Variants in LIPI observed in about 807,000 individuals in gnomAD.
LIPI encodes lipase member I.
LIPI carries 59 observed loss-of-function variants against 50.6 expected under a neutral mutation model. The ratio of observed to expected loss-of-function variants is 1.16; its 90% CI spans 0.94 to 1.45. LIPI has a LOEUF of 1.45. Ranked by LOEUF, LIPI falls within the 40% of genes most tolerant of loss-of-function variation. The pLI, the probability that LIPI is intolerant of heterozygous loss-of-function variation, is 0.00. For missense variants in LIPI, 586 were observed against 536.3 expected, an observed-to-expected ratio of 1.09 and a Z score of -0.92; for synonymous variants, 203 against 178.2, an observed-to-expected ratio of 1.14 and a Z score of -1.11.
intron 2 of LIPI, among the ~76,000 whole-genome samples, chr21:14,187,560 C>A (rs80318249): frequency 6.6e-6 from 1 of 152,110 alleles, no homozygotes; most frequent in Non-Finnish European, 1.5e-5. Flanking sequence ...CTAAATATTT[C>A]TATTTAATAT....
At chr21:14,125,186 T>C (rs1274514688) in intron 9 of LIPI, among the ~76,000 whole-genome samples, 1 of 151,902 alleles carries the variant, frequency 6.6e-6, no homozygotes, top group Non-Finnish European at 1.5e-5. Flanking sequence ...TGCATAAGAG[T>C]TTGAAAAGCA....
At chr21:14,137,773 T>A (rs1287818026) in intron 9 of LIPI, among the ~76,000 whole-genome samples, 1 of 151,996 alleles carries the variant, frequency 6.6e-6, no homozygotes, top group Non-Finnish European at 1.5e-5. Context: ...TTATAGAATA[T>A]CAAACAGATT....
At chr21:14,166,211 A>G (rs1329372612) in intron 5 of LIPI, 151 bp downstream of exon 5, 5 of 664,080 alleles carry the variant, frequency 7.5e-6, no homozygotes, top group Admixed American at 2.2e-5. Flanking sequence ...GCATGGTCAA[A>G]TTAAACCATT....
intron 9 of LIPI, among the ~76,000 whole-genome samples, chr21:14,128,578 A>G (rs1187247927): frequency 6.6e-6 from 1 of 152,036 alleles, no homozygotes; most frequent in Non-Finnish European, 1.5e-5. Flanking sequence ...ACTCATCTAG[A>G]AAGCAGTTCA....
At chr21:14,132,061 A>T (rs887923634) in intron 9 of LIPI, among the ~76,000 whole-genome samples, 5 of 152,214 alleles carry the variant, frequency 3.3e-5, no homozygotes, top group Non-Finnish European at 7.3e-5. Context: ...AGCCTTTAAC[A>T]TCTTTTACTA....
chr21:14,121,306 C>T (rs979093438), intron 9 of LIPI, among the ~76,000 whole-genome samples: 8 of 151,980 alleles, frequency 5.3e-5, no homozygotes, highest in East Asian at 1.9e-4. Context: ...AACAAGACAC[C>T]GAAACAACTG....
intron 4 of LIPI, among the ~76,000 whole-genome samples, chr21:14,166,664 A>G (rs983908935): frequency 1.3e-5 from 2 of 152,236 alleles, no homozygotes; most frequent in Non-Finnish European, 2.9e-5. Context: ...TCAGCAGTTT[A>G]CTATCGGTCA....
At chr21:14,175,876 T>C (rs765679774) in intron 4 of LIPI, among the ~76,000 whole-genome samples, 16 of 152,104 alleles carry the variant, frequency 1.1e-4, no homozygotes, top group African/African-American at 2.2e-4. Context: ...CCTTTCATTG[T>C]ATGGAAAGAA....
intron 9 of LIPI, among the ~76,000 whole-genome samples, chr21:14,110,657 T>G (rs1002615092): frequency 4.0e-5 from 6 of 151,830 alleles, no homozygotes; most frequent in African/African-American, 1.4e-4. Flanking sequence ...CAGCCTCTGG[T>G]AACCATGGTT....
chr21:14,117,697 A>G (rs1568830936), intron 9 of LIPI, among the ~76,000 whole-genome samples: 2 of 152,160 alleles, frequency 1.3e-5, no homozygotes, highest in Non-Finnish European at 2.9e-5. Flanking sequence ...AGTGGCAGGG[A>G]ATCAGTGCAT....
chr21:14,145,227 A>C (rs942138953), intron 8 of LIPI, among the ~76,000 whole-genome samples: 2 of 152,168 alleles, frequency 1.3e-5, no homozygotes, highest in African/African-American at 4.8e-5. Context: ...CTGAGATTCA[A>C]AACAGAAATA....
At chr21:14,167,402 A>G (rs1568862913) in intron 4 of LIPI, among the ~76,000 whole-genome samples, 3 of 152,316 alleles carry the variant, frequency 2.0e-5, no homozygotes, top group Middle Eastern at 3.4e-3. Context: ...GAACGGGCAG[A>G]CTGTCTCCTC....
chr21:14,187,998 T>C (rs2019515821), intron 2 of LIPI, among the ~76,000 whole-genome samples: 1 of 152,166 alleles, frequency 6.6e-6, no homozygotes, highest in Non-Finnish European at 1.5e-5. Flanking sequence ...TTGTTATTTG[T>C]TCAATTTTTA....
chr21:14,168,107 G>C (rs1211587604), intron 4 of LIPI, among the ~76,000 whole-genome samples: 1 of 152,156 alleles, frequency 6.6e-6, no homozygotes, highest in Non-Finnish European at 1.5e-5. Flanking sequence ...CTGGAAGAAA[G>C]GGTATCAGTG....
chr21:14,182,613 A>G lies in LIPI; in HGVS notation c.542-754T>C, dbSNP rs542130881. The stretch of plus-strand genomic sequence containing the variant: ...AATCATGAGTGAACTCCCATTCACA[A>G]TTGCTTCAAAGAGAATAAAATACCT... On this transcript the variant is annotated intron_variant, in intron 3 of 9. Coordinates refer to ENST00000681601, the MANE Select transcript of LIPI (RefSeq NM_001302998.2). 6.6e-5 allele frequency among the ~76,000 whole-genome samples: 10 copies of G among 152,214 alleles called. 1 individual carries two copies. In the South Asian group the frequency reaches 2.1e-3, roughly 32 times the overall value.
At chr21:14,152,744 A>T (rs955111257) in intron 7 of LIPI, 60 bp from the exon 8 acceptor site, 2 of 758,064 alleles carry the variant, frequency 2.6e-6, no homozygotes, top group Non-Finnish European at 4.6e-6. Flanking sequence ...GTTTTGGTAC[A>T]TATTCAGATA....
intron 9 of LIPI, among the ~76,000 whole-genome samples, chr21:14,132,783 C>T (rs966257216): frequency 1.3e-5 from 2 of 151,876 alleles, no homozygotes; most frequent in Non-Finnish European, 2.9e-5. Flanking sequence ...CAGAGAAGAT[C>T]CAAATAAACA....
rs190543849 is a variant in LIPI, at chr21:14,177,983, C to A, written c.643+3775G>T. On this transcript the variant is annotated intron_variant, in intron 4 of 9. Transcript: ENST00000681601. The stretch of plus-strand genomic sequence containing the variant: ...TTTATTCTTGAAACAGATTGAGATA[C>A]TATCTTAGCAGTTGTTTCCTTTCAC... 7.9e-5 allele frequency among the ~76,000 whole-genome samples: 12 copies of A among 152,216 alleles called. No homozygotes were observed. In the East Asian group the frequency reaches 2.3e-3, roughly 29 times the overall value.
chr21:14,167,894 G>T (rs1035926591), intron 4 of LIPI, among the ~76,000 whole-genome samples: 4 of 152,184 alleles, frequency 2.6e-5, no homozygotes, highest in African/African-American at 9.7e-5. Flanking sequence ...AGAGAAGAAG[G>T]CTTCAGATGA....
Sources: allele counts gnomAD v4.1 joint callset (sites outside exome capture counted in the v4.1 genomes callset), GRCh38; gene constraint gnomAD v4.1.1; transcripts MANE v1.5; gene names NCBI Gene and HGNC (gene_info 2026-07-23, HGNC 2026-07-21).